Variants in VTI1A observed in about 807,000 individuals in gnomAD.
VTI1A encodes vesicle transport through interaction with t-SNAREs 1A, also known as vesicle transport through interaction with t-SNAREs homolog 1A.
In VTI1A, 22 loss-of-function variants were observed where a neutral mutation model predicts 34.9. The observed-to-expected ratio is 0.63, with a 90% CI of 0.45 to 0.90. VTI1A has a LOEUF of 0.90. VTI1A is among the 40% of genes least tolerant of loss of function. VTI1A has a pLI of 0.00. For synonymous variants in VTI1A, 87 were observed against 97.3 expected (o/e 0.89, Z 0.62); for missense variants, 268 against 275.6 (o/e 0.97, Z 0.20).
At chr10:112,740,511 C>T (rs963184637) in intron 7 of VTI1A, among the ~76,000 whole-genome samples, 1 of 152,218 alleles carries the variant, frequency 6.6e-6, no homozygotes, top group Non-Finnish European at 1.5e-5. Context: ...TCTCGAACTC[C>T]TGACCTCAAG....
At chr10:112,708,272 T>G (rs1234547869) in intron 7 of VTI1A, among the ~76,000 whole-genome samples, 1 of 152,204 alleles carries the variant, frequency 6.6e-6, no homozygotes, top group Non-Finnish European at 1.5e-5. Flanking sequence ...AATTCTGAAA[T>G]GTTTGCATTT....
chr10:112,748,904 C>T (rs1274889289), intron 7 of VTI1A, among the ~76,000 whole-genome samples: 2 of 152,128 alleles, frequency 1.3e-5, no homozygotes, highest in Non-Finnish European at 2.9e-5. Flanking sequence ...GCTGGGATTA[C>T]AGGCGTGAGC....
intron 5 of VTI1A, among the ~76,000 whole-genome samples, chr10:112,632,387 AAG>A (rs528861191): frequency 6.6e-6 from 1 of 152,228 alleles, no homozygotes; most frequent in Admixed American, 6.5e-5. Context: ...TTTATTTTAA[AAG>A]AGTTCTTTAC....
chr10:112,757,868 A>G (rs1209410873), intron 7 of VTI1A, among the ~76,000 whole-genome samples: 1 of 152,244 alleles, frequency 6.6e-6, no homozygotes, highest in Non-Finnish European at 1.5e-5. Context: ...TTTACAAAAC[A>G]TGCAAATAGA....
At chr10:112,702,279 C>T (rs1849037121) in intron 7 of VTI1A, among the ~76,000 whole-genome samples, 1 of 152,218 alleles carries the variant, frequency 6.6e-6, no homozygotes, top group Non-Finnish European at 1.5e-5. Context: ...ACAAACATGG[C>T]ACCTACAGCC....
At chr10:112,854,179 C>T in the VTI1A span, among the ~76,000 whole-genome samples, 4 of 152,192 alleles carry the variant, frequency 2.6e-5, no homozygotes, top group Non-Finnish European at 5.9e-5. Context: ...GTGGGTTCCA[C>T]AGGAAACACA....
At chr10:112,763,206 C>G (rs1440256228) in intron 7 of VTI1A, among the ~76,000 whole-genome samples, 1 of 152,118 alleles carries the variant, frequency 6.6e-6, no homozygotes, top group East Asian at 1.9e-4. Flanking sequence ...TTTGGGAGGT[C>G]GAGGCGGGCG....
Position 112,782,915 on chromosome 10 carries a change from A to G in VTI1A, c.561-32375A>G, listed in dbSNP as rs569050274. 1.5e-3 allele frequency among the ~76,000 whole-genome samples: 223 copies of G among 152,300 alleles called. 1 individual carries two copies. The highest frequency in any genetic ancestry group is 5.1e-3 in the African/African-American group (214 of 41,576). On this transcript the variant is annotated intron_variant, in intron 7 of 7. Transcript: ENST00000393077. The stretch of plus-strand genomic sequence containing the variant: ...ATTCAGTGATTATAACTCAAACTGT[A>G]GTGTTCGTGGAACTGGTAAGAGCCT...
At chr10:112,688,526 T>C (rs867865584) in intron 7 of VTI1A, among the ~76,000 whole-genome samples, 1 of 149,400 alleles carries the variant, frequency 6.7e-6, no homozygotes, top group Non-Finnish European at 1.5e-5. Context: ...TTTTTCTTTT[T>C]TTTTTTTTTT....
chr10:112,844,492 G>A, the VTI1A span, among the ~76,000 whole-genome samples: 3 of 152,266 alleles, frequency 2.0e-5, no homozygotes, highest in South Asian at 2.1e-4. Flanking sequence ...TCCACCTCCC[G>A]GGTTGAAGCG....
chr10:112,844,254 A>G, the VTI1A span, among the ~76,000 whole-genome samples: 1 of 152,124 alleles, frequency 6.6e-6, no homozygotes, highest in Non-Finnish European at 1.5e-5. Flanking sequence ...TTCTCTTTCC[A>G]CTTCCTTTCC....
At chr10:112,832,667 C>T in the VTI1A span, among the ~76,000 whole-genome samples, 1 of 152,228 alleles carries the variant, frequency 6.6e-6, no homozygotes, top group East Asian at 1.9e-4. Flanking sequence ...CTGGGTGGCC[C>T]CTGCATCCAA....
intron 7 of VTI1A, among the ~76,000 whole-genome samples, chr10:112,686,875 A>G (rs1848435074): frequency 6.6e-6 from 1 of 152,180 alleles, no homozygotes; most frequent in East Asian, 1.9e-4. Flanking sequence ...GTATATAGAC[A>G]GGATTGAACT....
intron 3 of VTI1A, among the ~76,000 whole-genome samples, chr10:112,499,473 C>T (rs1362538341): frequency 1.3e-5 from 2 of 152,122 alleles, no homozygotes; most frequent in Admixed American, 6.5e-5. Flanking sequence ...TATGTATGCC[C>T]ATGGCTTTCA....
chr10:112,532,016 G>A (rs1471466578), intron 4 of VTI1A, among the ~76,000 whole-genome samples: 3 of 152,124 alleles, frequency 2.0e-5, no homozygotes, highest in Non-Finnish European at 2.9e-5. Context: ...ATTTTGAAAC[G>A]ATGATAATAA....
chr10:112,737,608 A>G (rs1590134473), intron 7 of VTI1A: 2 of 1,047,856 alleles, frequency 1.9e-6, no homozygotes, highest in Non-Finnish European at 2.3e-6. Flanking sequence ...CAGCTCTGTG[A>G]TCTGAAGGCA....
intron 3 of VTI1A, among the ~76,000 whole-genome samples, chr10:112,497,638 G>A (rs557361949): frequency 6.6e-6 from 1 of 152,308 alleles, no homozygotes; most frequent in Non-Finnish European, 1.5e-5. Context: ...GAATTTCAGA[G>A]TAAAATATAA....
In VTI1A at chr10:112,668,223, A is replaced by G; in HGVS notation, c.433A>G (p.Ile145Val). The change falls in exon 6 of 8, where the codon ATT becomes GTT. Residue 145 changes from isoleucine (I) to valine (V), a missense_variant. Coordinates refer to ENST00000393077, the MANE Select transcript of VTI1A (RefSeq NM_145206.4). ...GYQIAVETEQ[I>V]GQEMLENLSH... Reference sequence around the variant, plus strand: ...TCAAATTTTCTTTTCCGTAGAGCAAATTGGTCAGGAGATGTTGGAAAACCT... The same window carrying G: ...TCAAATTTTCTTTTCCGTAGAGCAAGTTGGTCAGGAGATGTTGGAAAACCT... The G allele has an allele frequency of 6.2e-7, 1 of 1,612,396 alleles. No homozygotes were observed.
chr10:112,562,743 A>G (rs1217181784), intron 5 of VTI1A, among the ~76,000 whole-genome samples: 1 of 152,194 alleles, frequency 6.6e-6, no homozygotes, highest in Non-Finnish European at 1.5e-5. Flanking sequence ...AAAAGGGGGG[A>G]AAATCTGTTC....
Sources: allele counts gnomAD v4.1 joint callset (sites outside exome capture counted in the v4.1 genomes callset), GRCh38; gene constraint gnomAD v4.1.1; transcripts MANE v1.5; gene names NCBI Gene and HGNC (gene_info 2026-07-23, HGNC 2026-07-21).